The following CDH13 variants were observed in gnomAD, a reference collection of about 807,000 sequenced individuals.
CDH13 encodes the protein cadherin 13.
Under a neutral mutation model 63.8 loss-of-function variants are expected in CDH13, and 24 were observed. The ratio of observed to expected loss-of-function variants is 0.38; its 90% CI spans 0.27 to 0.53. The LOEUF (loss-of-function observed/expected upper bound fraction) is 0.53, where lower values mean the gene tolerates loss of function less well. CDH13 is among the 20% of genes least tolerant of loss of function. CDH13 has a pLI of 0.85. For missense variants in CDH13, 1,049 were observed against 903.1 expected, an observed-to-expected ratio of 1.16 and a Z score of -2.07; for synonymous variants, 503 against 355.3, an observed-to-expected ratio of 1.42 and a Z score of -4.67.
chr16:82,831,731 G>C (rs561168283), intron 1 of CDH13, among the ~76,000 whole-genome samples: 71 of 152,308 alleles, frequency 4.7e-4, no homozygotes, highest in African/African-American at 1.6e-3. Flanking sequence ...CATGGGGCCA[G>C]GATTGTGAAG....
At chr16:82,671,251 G>A (rs1290519769) in intron 1 of CDH13, among the ~76,000 whole-genome samples, 1 of 152,168 alleles carries the variant, frequency 6.6e-6, no homozygotes, top group African/African-American at 2.4e-5. Flanking sequence ...GCAACAAAAG[G>A]GAACCCAGAA....
chr16:83,254,941 TTC>T (rs1447183422), intron 5 of CDH13, among the ~76,000 whole-genome samples: 1 of 115,900 alleles, frequency 8.6e-6, no homozygotes, highest in East Asian at 2.4e-4. Context: ...CTTGGATTTT[TTC>T]TTTTTCTCTT....
In CDH13 at chr16:83,397,670, C is replaced by T. The variant is rs192698831; in HGVS notation, c.781+52664C>T. 1.9e-4 allele frequency among the ~76,000 whole-genome samples: 29 copies of T among 152,230 alleles called. No individual in the cohort carries two copies. The South Asian group carries it at 4.2e-3, about 22-fold the overall frequency. On this transcript the variant is annotated intron_variant, in intron 6 of 13. Coordinates refer to ENST00000567109, the MANE Select transcript of CDH13 (RefSeq NM_001257.5). ...AAGAGTTGCTTATTTGATAAGTTATCGGAGTGTGTTTCAAAGACATTATGC... is the reference window on the plus strand; with the variant it reads ...AAGAGTTGCTTATTTGATAAGTTATTGGAGTGTGTTTCAAAGACATTATGC...
chr16:83,784,477 C>T (rs972028735), intron 13 of CDH13, among the ~76,000 whole-genome samples: 1 of 151,896 alleles, frequency 6.6e-6, no homozygotes, highest in African/African-American at 2.4e-5. Context: ...ACTAAAAATA[C>T]AAAAATTAGC....
chr16:83,213,635 A>G (rs1169437658), intron 4 of CDH13, among the ~76,000 whole-genome samples: 1 of 152,224 alleles, frequency 6.6e-6, no homozygotes, highest in East Asian at 1.9e-4. Flanking sequence ...GTTGCTCGTC[A>G]GAATGCATTG....
At chr16:82,665,112 G>A (rs987985368) in intron 1 of CDH13, among the ~76,000 whole-genome samples, 2 of 152,142 alleles carry the variant, frequency 1.3e-5, no homozygotes, top group African/African-American at 4.8e-5. Flanking sequence ...AGGTGAGACT[G>A]CCTTCTTGTT....
chr16:82,690,038 C>T (rs1597331121), intron 1 of CDH13, among the ~76,000 whole-genome samples: 1 of 119,470 alleles, frequency 8.4e-6, no homozygotes, highest in Admixed American at 1.1e-4. Flanking sequence ...CATGGTGTTG[C>T]ATGCCTGTAA....
intron 2 of CDH13, among the ~76,000 whole-genome samples, chr16:82,921,692 T>C (rs2042160211): frequency 1.3e-5 from 2 of 152,298 alleles, no homozygotes; most frequent in African/African-American, 4.8e-5. Context: ...CTGAGAGATA[T>C]TGGTCTTTTT....
intron 1 of CDH13, among the ~76,000 whole-genome samples, chr16:82,637,140 C>T (rs1254722500): frequency 1.3e-5 from 2 of 152,172 alleles, no homozygotes; most frequent in African/African-American, 4.8e-5. Context: ...CAGGATCCTA[C>T]AGCTGTCTAA....
At chr16:83,180,486 C>T (rs771984914) in intron 4 of CDH13, among the ~76,000 whole-genome samples, 19 of 152,264 alleles carry the variant, frequency 1.2e-4, no homozygotes, top group Non-Finnish European at 1.6e-4. Context: ...AGACTTTTAA[C>T]GTAGGACTCA....
intron 6 of CDH13, among the ~76,000 whole-genome samples, chr16:83,405,093 A>T (rs1373145772): frequency 6.6e-6 from 1 of 152,066 alleles, no homozygotes; most frequent in Non-Finnish European, 1.5e-5. Flanking sequence ...GAAAAGTAGA[A>T]ATCTCCTGTC....
intron 10 of CDH13, among the ~76,000 whole-genome samples, chr16:83,705,345 G>A (rs1399482841): frequency 2.6e-5 from 4 of 152,144 alleles, no homozygotes; most frequent in Non-Finnish European, 4.4e-5. Context: ...AAAGAAGCCC[G>A]GGCCCGGTGG....
chr16:82,742,712 C>T (rs111365354), intron 1 of CDH13, among the ~76,000 whole-genome samples: 9 of 152,248 alleles, frequency 5.9e-5, no homozygotes, highest in South Asian at 2.1e-4. Flanking sequence ...TTTCCCTTTG[C>T]ATAATTGTAA....
At chr16:83,048,497 A>G (rs924581743) in intron 3 of CDH13, among the ~76,000 whole-genome samples, 9 of 152,088 alleles carry the variant, frequency 5.9e-5, no homozygotes, top group African/African-American at 2.2e-4. Context: ...CTTCACCTTG[A>G]GCACCACTCT....
At chr16:83,524,010 A>G (rs1292648912) in intron 7 of CDH13, among the ~76,000 whole-genome samples, 1 of 152,344 alleles carries the variant, frequency 6.6e-6, no homozygotes, top group Non-Finnish European at 1.5e-5. Context: ...TTCTTAGATC[A>G]CAGCTCTTAA....
chr16:83,527,918 C>T (rs2074999956), intron 7 of CDH13, among the ~76,000 whole-genome samples: 1 of 152,226 alleles, frequency 6.6e-6, no homozygotes, highest in African/African-American at 2.4e-5. Context: ...ACCAACAAAA[C>T]TTCAAACAAT....
At chr16:83,510,745 T>C (rs957698207) in intron 7 of CDH13, among the ~76,000 whole-genome samples, 2 of 152,208 alleles carry the variant, frequency 1.3e-5, no homozygotes, top group African/African-American at 4.8e-5. Context: ...AAAGGGGGTT[T>C]GGGTTTCTTT....
At chr16:83,011,399 A>C (rs1465164182) in intron 2 of CDH13, among the ~76,000 whole-genome samples, 1 of 152,178 alleles carries the variant, frequency 6.6e-6, no homozygotes, top group African/African-American at 2.4e-5. Flanking sequence ...TTCAATCCCC[A>C]GGGAATTAGT....
chr16:83,366,706 C>G (rs2091264170), intron 6 of CDH13, among the ~76,000 whole-genome samples: 1 of 152,102 alleles, frequency 6.6e-6, no homozygotes, highest in Admixed American at 6.6e-5. Context: ...ATGATAGGTC[C>G]CTTAATGTAC....
Sources: allele counts gnomAD v4.1 joint callset (sites outside exome capture counted in the v4.1 genomes callset), GRCh38; gene constraint gnomAD v4.1.1; transcripts MANE v1.5; gene names NCBI Gene and HGNC (gene_info 2026-07-23, HGNC 2026-07-21).